The following ZNF146 variants were observed in gnomAD, a reference collection of about 807,000 sequenced individuals.
ZNF146 encodes the protein zinc finger protein 146.
ZNF146 carries 9 observed loss-of-function variants against 22.2 expected under a neutral mutation model. The observed-to-expected ratio is 0.41, with a 90% CI of 0.24 to 0.71. ZNF146 has a LOEUF of 0.71. Among genes scored for constraint, ZNF146 ranks in the 30% least tolerant of loss-of-function variants. ZNF146 has a pLI of 0.34. For missense variants in ZNF146, 194 were observed against 344.8 expected, an observed-to-expected ratio of 0.56 and a Z score of 3.46; for synonymous variants, 108 against 119.2, an observed-to-expected ratio of 0.91 and a Z score of 0.61.
intron 2 of ZNF146, among the ~76,000 whole-genome samples, chr19:36,223,004 C>G (rs2910681): frequency 1.3e-5 from 2 of 151,710 alleles, no homozygotes; most frequent in Non-Finnish European, 2.9e-5. Flanking sequence ...TTTAGAGGCA[C>G]AGTCTCACTG....
intron 3 of ZNF146, among the ~76,000 whole-genome samples, chr19:36,229,266 C>T (rs1407084589): frequency 6.6e-6 from 1 of 152,226 alleles, no homozygotes; most frequent in African/African-American, 2.4e-5. Flanking sequence ...GTTGTCTTCT[C>T]ACTCATCTCT....
At chr19:36,232,567 A>AT (rs1234818535) in intron 3 of ZNF146, among the ~76,000 whole-genome samples, 1 of 150,596 alleles carries the variant, frequency 6.6e-6, no homozygotes, top group Non-Finnish European at 1.5e-5. Flanking sequence ...TAATCTATGA[A>AT]TTTTTTGTGT....
intron 3 of ZNF146, among the ~76,000 whole-genome samples, chr19:36,232,488 C>T (rs948082477): frequency 2.0e-5 from 3 of 152,020 alleles, no homozygotes; most frequent in Non-Finnish European, 2.9e-5. Flanking sequence ...CATTATAATC[C>T]GGTTAAAAGG....
At chr19:36,225,470 T>C (rs1356783703) in intron 2 of ZNF146, among the ~76,000 whole-genome samples, 1 of 152,166 alleles carries the variant, frequency 6.6e-6, no homozygotes, top group African/African-American at 2.4e-5. Flanking sequence ...AAGTTCATTT[T>C]GTTATGTTTC....
chr19:36,238,425 T>A lies in ZNF146; in HGVS notation c.*1106T>A, dbSNP rs994239263. ...TGAGTGTGGGAGGTGGGATGGGTAT[T>A]GGTTAAAGGGGACTTCAGCTTTTTA... On this transcript the variant is annotated 3_prime_UTR_variant, in exon 4 of 4. Transcript: ENST00000443387. The A allele has an allele frequency of 1.8e-5, 3 of 167,082 alleles. No homozygotes were observed. The highest frequency in any genetic ancestry group is 2.9e-5 in the Non-Finnish European group (2 of 68,120). 10.3% of individuals were successfully genotyped at this position (167,082 alleles called of 1,614,324 possible).
intron 2 of ZNF146, among the ~76,000 whole-genome samples, chr19:36,219,978 A>G (rs944946812): frequency 1.3e-5 from 2 of 152,046 alleles, no homozygotes; most frequent in African/African-American, 4.8e-5. Flanking sequence ...AGTTGTGTAT[A>G]TTTAGCGTGT....
At chr19:36,234,041 G>A (rs1977526748) in intron 3 of ZNF146, among the ~76,000 whole-genome samples, 1 of 152,138 alleles carries the variant, frequency 6.6e-6, no homozygotes, top group Non-Finnish European at 1.5e-5. Flanking sequence ...GCCTTCTGTA[G>A]TGTGTTGTGT....
chr19:36,219,706 T>C (rs990477251), intron 2 of ZNF146, among the ~76,000 whole-genome samples: 2 of 152,336 alleles, frequency 1.3e-5, no homozygotes, highest in Admixed American at 1.3e-4. Flanking sequence ...CAATACATAA[T>C]TCTTGGCTGG....
intron 2 of ZNF146, among the ~76,000 whole-genome samples, chr19:36,228,174 A>AAGAAAG (rs61330060): frequency 4.9e-5 from 7 of 144,222 alleles, no homozygotes; most frequent in African/African-American, 1.6e-4. Flanking sequence ...AAAAAAAAAA[A>AAGAAAG]AAAGAAAGAA....
chr19:36,237,338 G>C lies in ZNF146; in HGVS notation c.*19G>C. On this transcript the variant is annotated 3_prime_UTR_variant, in exon 4 of 4. Transcript: ENST00000443387. ...TCACTAAAAACCCCATGAAAGCCTT[G>C]AAAGTGGGAAAGCTTTCATTAGAAA... is the stretch of plus-strand genomic sequence containing the variant. The C allele has an allele frequency of 6.4e-7, 1 of 1,563,868 alleles. No individual in the cohort carries two copies. Among genetic ancestry groups the C allele is most frequent in the East Asian group, 2.3e-5 (1 of 44,348 alleles).
At chr19:36,216,000 C>A (rs974156642) in intron 1 of ZNF146, among the ~76,000 whole-genome samples, 5 of 152,142 alleles carry the variant, frequency 3.3e-5, no homozygotes, top group Non-Finnish European at 7.4e-5. Context: ...ATGGAGAATG[C>A]TACTGACGTC....
intron 1 of ZNF146, among the ~76,000 whole-genome samples, 163 bp from the exon 2 acceptor site, chr19:36,217,959 A>G (rs1315988765): frequency 1.3e-5 from 2 of 151,846 alleles, no homozygotes; most frequent in Non-Finnish European, 2.9e-5. Flanking sequence ...GTACTGGAAT[A>G]GACAGGGCAA....
rs767068197 is a variant in ZNF146 at position 36,236,524 on chromosome 19, A to G, written c.84A>G (p.Lys28=). The G allele has an allele frequency of 6.2e-7, 1 of 1,614,192 alleles. No individual in the cohort carries two copies. The highest frequency in any genetic ancestry group is 1.1e-5 in the South Asian group (1 of 91,080). Reference sequence around the variant, plus strand: ...TATGTGGAAAAGTCTTCAGCCACAAATCAAACCTCACTGAGCATGAGCATT... The same window carrying G: ...TATGTGGAAAAGTCTTCAGCCACAAGTCAAACCTCACTGAGCATGAGCATT... ...CKVCGKVFSH[K]SNLTEHEHFH... Residue 28 remains lysine (K), a synonymous_variant, in exon 4 of 4, where the codon AAA becomes AAG. Coordinates refer to ENST00000443387, the MANE Select transcript of ZNF146 (RefSeq NM_007145.3).
intron 3 of ZNF146, among the ~76,000 whole-genome samples, chr19:36,229,721 T>C (rs1977241340): frequency 6.6e-6 from 1 of 152,208 alleles, no homozygotes; most frequent in Non-Finnish European, 1.5e-5. Context: ...TAATTTGTTA[T>C]TTATTTTCAT....
intron 1 of ZNF146, among the ~76,000 whole-genome samples, 187 bp downstream of exon 1, chr19:36,215,383 T>C (rs1174168460): frequency 6.6e-6 from 1 of 152,018 alleles, no homozygotes; most frequent in Non-Finnish European, 1.5e-5. Flanking sequence ...AAGTTTGACC[T>C]GATGTTTGGG....
Position 36,236,581 on chromosome 19 carries a change from C to T in ZNF146, c.141C>T (p.Asn47=), listed in dbSNP as rs747524610. ...CGAGAGAGAAACCTTTTGAATGTAACGAGTGTGGAAAAGCCTTTAGCCAAA... is the reference window on the plus strand; with the variant it reads ...CGAGAGAGAAACCTTTTGAATGTAATGAGTGTGGAAAAGCCTTTAGCCAAA... The part of the protein sequence containing the change: ...FHTREKPFEC[N]ECGKAFSQKQ... The change falls in exon 4 of 4, where the codon AAC becomes AAT. Residue 47 remains asparagine (N), a synonymous_variant. Transcript: ENST00000443387. 27 of 1,613,934 alleles carry T rather than the reference C, an allele frequency of 1.7e-5. No individual in the cohort carries two copies. Among genetic ancestry groups the T allele is most frequent in the African/African-American group, 2.7e-5 (2 of 74,880 alleles).
chr19:36,231,249 G>T (rs1284183271), intron 3 of ZNF146, among the ~76,000 whole-genome samples: 1 of 152,006 alleles, frequency 6.6e-6, no homozygotes, highest in Non-Finnish European at 1.5e-5. Flanking sequence ...TCACTCTGTT[G>T]TCCAGGTTGG....
intron 2 of ZNF146, among the ~76,000 whole-genome samples, 151 bp downstream of exon 2, chr19:36,218,346 T>C (rs949697809): frequency 8.5e-5 from 13 of 152,090 alleles, no homozygotes; most frequent in Non-Finnish European, 1.9e-4. Flanking sequence ...ACTTGATTAA[T>C]GTTAAATACT....
At chr19:36,223,656 C>G (rs567235411) in intron 2 of ZNF146, among the ~76,000 whole-genome samples, 26 of 139,420 alleles carry the variant, frequency 1.9e-4, no homozygotes, top group Admixed American at 1.3e-3. Context: ...AGCCACCGCG[C>G]GTGGCTGATT....
Sources: allele counts gnomAD v4.1 joint callset (sites outside exome capture counted in the v4.1 genomes callset), GRCh38; gene constraint gnomAD v4.1.1; transcripts MANE v1.5; gene names NCBI Gene and HGNC (gene_info 2026-07-23, HGNC 2026-07-21).